ATAD3B: variants seen among roughly 807,000 people sequenced by gnomAD.
ATAD3B encodes the protein ATPase family AAA domain containing 3B, also known as ATPase family AAA domain-containing protein 3B.
In ATAD3B, 59 loss-of-function variants were observed where a neutral mutation model predicts 70.2. The observed-to-expected ratio is 0.84, with a 90% CI of 0.68 to 1.04. The LOEUF is 1.04. Among genes scored for constraint, ATAD3B ranks in the 50% least tolerant of loss-of-function variants. The pLI is 0.00. For synonymous variants in ATAD3B, 423 were observed against 388.6 expected (o/e 1.09, Z -1.04); for missense variants, 961 against 913.4 (o/e 1.05, Z -0.67).
At chr1:1,477,739 A>G (rs1279611609) in intron 2 of ATAD3B, among the ~76,000 whole-genome samples, 2 of 149,764 alleles carry the variant, frequency 1.3e-5, no homozygotes, top group East Asian at 3.9e-4. Context: ...ACGGAGTCTC[A>G]CTCTTGCCTA....
At chr1:1,499,424 A>G (rs1640893981), downstream of ATAD3B, among the ~76,000 whole-genome samples, 1 of 148,054 alleles carries the variant, frequency 6.8e-6, no homozygotes, top group Non-Finnish European at 1.5e-5. Flanking sequence ...TTTAGTAGAG[A>G]GGGGGTTATA....
Position 1,482,132 on chromosome 1 carries a change from G to T in ATAD3B, c.515-6G>T, listed in dbSNP as rs748666689. Reference sequence around the variant, plus strand: ...GGTGCTGAGCTGCCCTGCCTCTCTGGGGCAGCCACCGTGGAGCGGGAGATG... The same window carrying T: ...GGTGCTGAGCTGCCCTGCCTCTCTGTGGCAGCCACCGTGGAGCGGGAGATG... On this transcript the variant is annotated splice_polypyrimidine_tract_variant and splice_region_variant and intron_variant, in intron 5 of 15. Transcript: ENST00000673477. 1 of 1,606,182 alleles carries T rather than the reference G, an allele frequency of 6.2e-7. No individual in the cohort carries two copies. Among genetic ancestry groups the T allele is most frequent in the East Asian group, 2.2e-5 (1 of 44,672 alleles).
rs1639885038 is a variant in ATAD3B, at chr1:1,480,999, C to T, written c.514+63C>T. 6.4e-6 allele frequency: 10 copies of T among 1,569,656 alleles called. 1 individual carries two copies. Among genetic ancestry groups the T allele is most frequent in the African/African-American group, 3.1e-5 (2 of 65,118 alleles). ...GGGGGCTGCTTGTGGATCCGGCGTGCACTCTGAGCCTGAGTTCTGCCGCCC... is the reference window on the plus strand; with the variant it reads ...GGGGGCTGCTTGTGGATCCGGCGTGTACTCTGAGCCTGAGTTCTGCCGCCC... On this transcript the variant is annotated intron_variant, in intron 5 of 15. Transcript: ENST00000673477.
intron 15 of ATAD3B, among the ~76,000 whole-genome samples, chr1:1,492,215 G>A (rs555563715): frequency 1.1e-4 from 16 of 151,954 alleles, no homozygotes; most frequent in African/African-American, 1.4e-4. Context: ...GAACAAGCCC[G>A]GTGGCTCACT....
chr1:1,503,383 T>G, the ATAD3B span: 3 of 597,018 alleles, frequency 5.0e-6, no homozygotes, highest in Non-Finnish European at 8.9e-6. Context: ...GCATAAAACC[T>G]CACAAATGCA....
rs1341567231 is a variant in ATAD3B at position 1,479,238 on chromosome 1, G to C, written c.444+130G>C. ...GCTGACGGTGGGTGCTAGAGCAGGG[G>C]AAACTACTCGGACAGACACGCACCA... On this transcript the variant is annotated intron_variant, in intron 4 of 15. Coordinates refer to ENST00000673477, the MANE Select transcript of ATAD3B (RefSeq NM_031921.6). The C allele has an allele frequency of 7.9e-6, 9 of 1,134,720 alleles. No homozygotes were observed. The African/African-American group carries it at 1.6e-4, about 20-fold the overall frequency. The allele number at this position is 1,134,720 out of a possible 1,614,324, so 70.3% of individuals were successfully genotyped here.
Position 1,496,339 on chromosome 1 carries a change from A to G in ATAD3B, c.*522A>G, listed in dbSNP as rs1254227357. The G allele has an allele frequency of 5.1e-6, 4 of 791,388 alleles. No individual in the cohort carries two copies. The highest frequency in any genetic ancestry group is 6.1e-6 in the Non-Finnish European group (4 of 652,424). The allele number at this position is 791,388 out of a possible 1,614,324, so 49.0% of individuals were successfully genotyped here. On this transcript the variant is annotated 3_prime_UTR_variant, in exon 16 of 16. Transcript: ENST00000673477. The stretch of plus-strand genomic sequence containing the variant: ...TACTGATCACAGAGCGGTGTGCTTC[A>G]CATCAGCCTCGCGCCACATCCGAGT...
At chr1:1,507,948 C>G in the ATAD3B span, among the ~76,000 whole-genome samples, 2 of 152,338 alleles carry the variant, frequency 1.3e-5, no homozygotes, top group East Asian at 1.9e-4. Flanking sequence ...GGGTCTTGCC[C>G]CAGAATCCCA....
At chr1:1,490,764 G>A in intron 15 of ATAD3B, 93 bp downstream of exon 15, 2 of 1,515,912 alleles carry the variant, frequency 1.3e-6, no homozygotes, top group Non-Finnish European at 1.8e-6. Flanking sequence ...CCGGTGTCAT[G>A]TGGGAGCTTC....
At chr1:1,499,220 C>T (rs966454123), downstream of ATAD3B, among the ~76,000 whole-genome samples, 1 of 151,278 alleles carries the variant, frequency 6.6e-6, no homozygotes, top group African/African-American at 2.4e-5. Flanking sequence ...ATCCGCCCGC[C>T]TCGACCTCCC....
intron 15 of ATAD3B, among the ~76,000 whole-genome samples, chr1:1,492,709 G>C (rs1048084156): frequency 6.6e-6 from 1 of 151,884 alleles, no homozygotes; most frequent in African/African-American, 2.4e-5. Flanking sequence ...GGAGGCCGAG[G>C]TGGGCGGATC....
At chr1:1,509,449 A>G in the ATAD3B span, 2 of 1,592,834 alleles carry the variant, frequency 1.3e-6, no homozygotes, top group Non-Finnish European at 1.7e-6. Context: ...CCCGTAATAA[A>G]GTCCCACGGG....
At chr1:1,503,364 C>T in the ATAD3B span, 1 of 559,498 alleles carries the variant, frequency 1.8e-6, no homozygotes, top group Non-Finnish European at 3.2e-6. Flanking sequence ...CCAAGACCAT[C>T]CCTGGAGGGC....
At position 1,485,091 on chromosome 1, in the gene ATAD3B, G is replaced by C. The variant is rs149962908; in HGVS notation, c.826G>C (p.Glu276Gln). ...NATAVTGRFI[E>Q]ARLGKPSLVR... ...GACAGCCGTCACTGGCCGCTTCATCGAGGCTCGGCTGGGGAAGCCGTCCCT... is the reference window on the plus strand; with the variant it reads ...GACAGCCGTCACTGGCCGCTTCATCCAGGCTCGGCTGGGGAAGCCGTCCCT... Residue 276 changes from glutamate to glutamine, a missense_variant, in exon 8 of 16, where the codon GAG becomes CAG. Glu to Gln is a conservative substitution (Grantham distance 29). Around this residue, in one of 4 missense-constraint regions of ATAD3B, gnomAD observed 349 missense variants for 307.5 expected, o/e 1.14. Coordinates refer to ENST00000673477, the MANE Select transcript of ATAD3B (RefSeq NM_031921.6). 18 of 1,610,384 alleles carry C rather than the reference G, an allele frequency of 1.1e-5. 1 individual carries two copies. In the African/African-American group the frequency reaches 1.5e-4, roughly 13 times the overall value.
At position 1,481,110 on chromosome 1, in the gene ATAD3B, C is replaced by T. The variant is rs190787976; in HGVS notation, c.514+174C>T. ...CCCTCTCGGAAGACACCTCTGTCTG[C>T]GAGTGGACGCCAGGATCTGTTCAGG... On this transcript the variant is annotated intron_variant, in intron 5 of 15. Transcript: ENST00000673477. Among the ~76,000 whole-genome samples, 19 of 140,438 alleles carry T rather than the reference C, an allele frequency of 1.4e-4. 1 individual carries two copies. In the East Asian group the frequency reaches 3.8e-3, roughly 28 times the overall value. 92.1% of individuals were successfully genotyped at this position (140,438 alleles called of 152,430 possible).
intron 2 of ATAD3B, chr1:1,478,003 CTATTT>C (rs1037004667): frequency 5.9e-4 from 9 of 15,212 alleles, no homozygotes; most frequent in Non-Finnish European, 1.2e-3. Flanking sequence ...CACGCCTGGC[CTATTT>C]TATTTTATTT....
chr1:1,475,506 G>GGGA (rs1025732746), intron 1 of ATAD3B, among the ~76,000 whole-genome samples: 4 of 151,918 alleles, frequency 2.6e-5, no homozygotes, highest in Admixed American at 2.6e-4. Flanking sequence ...CCAGGCAAAC[G>GGGA]GGCGGCTCCT....
Position 1,490,322 on chromosome 1 carries a change from A to G in ATAD3B, c.1403A>G (p.Asp468Gly), listed in dbSNP as rs1293574452. 7 of 1,613,138 alleles carry G rather than the reference A, an allele frequency of 4.3e-6. No homozygotes were observed. Among genetic ancestry groups the G allele is most frequent in the Non-Finnish European group, 5.9e-6 (7 of 1,179,700 alleles). The part of the protein sequence containing the change: ...QFDCAINSRI[D>G]VMVHFDLPQQ... ...GACTGTGCCATCAACAGCCGCATTG[A>G]CGTGATGGTCCACTTCGACCTGCCG... Residue 468 changes from aspartate to glycine, a missense_variant, in exon 14 of 16, where the codon GAC (aspartate) becomes GGC (glycine). By Grantham distance (94) the Asp-to-Gly change is moderately conservative. This residue lies in a region of ATAD3B where 417 missense variants were observed against 335.0 expected (regional missense o/e 1.24). Coordinates refer to ENST00000673477, the MANE Select transcript of ATAD3B (RefSeq NM_031921.6).
At chr1:1,477,467 G>GC in intron 2 of ATAD3B, 117 bp downstream of exon 2, 3 of 1,521,534 alleles carry the variant, frequency 2.0e-6, no homozygotes, top group East Asian at 2.4e-5. Flanking sequence ...CAGCAGTGGG[G>GC]CCAGGGCCGA....
Sources: allele counts gnomAD v4.1 joint callset (sites outside exome capture counted in the v4.1 genomes callset), GRCh38; gene constraint gnomAD v4.1.1; regional missense constraint gnomAD v4.1.1; transcripts MANE v1.5; gene names NCBI Gene and HGNC (gene_info 2026-07-23, HGNC 2026-07-21).